Variants in GRIK3 observed in about 807,000 individuals in gnomAD.
GRIK3 encodes the protein glutamate receptor ionotropic, kainate 3.
A neutral mutation model predicts 102.5 loss-of-function variants in GRIK3; 29 were observed. The ratio of observed to expected loss-of-function variants is 0.28; its 90% CI spans 0.21 to 0.39. GRIK3 has a LOEUF of 0.39. Among genes scored for constraint, GRIK3 ranks in the 10% least tolerant of loss-of-function variants. The probability of loss-of-function intolerance (pLI) is 1.00; values close to 1 mark genes in which losing one functional copy is unlikely to be tolerated. For missense variants in GRIK3, 908 were observed against 1,252.4 expected, an observed-to-expected ratio of 0.73 and a Z score of 4.15; for synonymous variants, 511 against 504.9, an observed-to-expected ratio of 1.01 and a Z score of -0.16.
chr1:36,918,786 T>C (rs1431510964), intron 1 of GRIK3, among the ~76,000 whole-genome samples: 3 of 152,186 alleles, frequency 2.0e-5, no homozygotes, highest in Admixed American at 2.0e-4. Flanking sequence ...GCACAGTGCC[T>C]GGAAACTGAG....
At chr1:36,999,027 G>C (rs1215888372) in intron 1 of GRIK3, among the ~76,000 whole-genome samples, 1 of 151,542 alleles carries the variant, frequency 6.6e-6, no homozygotes, top group Non-Finnish European at 1.5e-5. Context: ...TGTGTTGGGG[G>C]TGGGGAGGGA....
At chr1:36,990,328 C>G (rs1012941652) in intron 1 of GRIK3, among the ~76,000 whole-genome samples, 18 of 152,210 alleles carry the variant, frequency 1.2e-4, no homozygotes, top group Non-Finnish European at 1.3e-4. Flanking sequence ...CCTGCATAGA[C>G]ATGTCTACCA....
At chr1:36,866,565 T>G (rs1382195528) in intron 5 of GRIK3, among the ~76,000 whole-genome samples, 1 of 152,236 alleles carries the variant, frequency 6.6e-6, no homozygotes, top group Non-Finnish European at 1.5e-5. Context: ...TTAGTTTATT[T>G]AACACTTACA....
intron 10 of GRIK3, 43 bp downstream of exon 10, chr1:36,841,690 GTCT>G (rs745481730): frequency 4.0e-6 from 6 of 1,516,098 alleles, no homozygotes; most frequent in African/African-American, 1.4e-5. Context: ...TCTAGGCCAA[GTCT>G]CCCCAGGGTC....
At chr1:36,858,206 C>A (rs1379493850) in intron 7 of GRIK3, among the ~76,000 whole-genome samples, 1 of 152,242 alleles carries the variant, frequency 6.6e-6, no homozygotes, top group Non-Finnish European at 1.5e-5. Context: ...GGATTTGACT[C>A]TGGCCAGGTC....
intron 1 of GRIK3, among the ~76,000 whole-genome samples, chr1:36,951,200 G>C (rs531759259): frequency 1.3e-5 from 2 of 152,344 alleles, no homozygotes; most frequent in East Asian, 3.9e-4. Flanking sequence ...TCCTCTGAGG[G>C]TCAGGACATG....
At chr1:36,835,753 T>TC (rs1640369770) in intron 10 of GRIK3, among the ~76,000 whole-genome samples, 1 of 152,188 alleles carries the variant, frequency 6.6e-6, no homozygotes, top group Admixed American at 6.5e-5. Context: ...AATACTCCCT[T>TC]CATCCCTCAA....
intron 1 of GRIK3, among the ~76,000 whole-genome samples, chr1:36,967,722 C>T (rs1642095352): frequency 3.3e-5 from 5 of 152,198 alleles, no homozygotes; most frequent in Admixed American, 3.3e-4. Context: ...GGGTGCCAGA[C>T]ACACTGAGTC....
chr1:36,871,581 G>A (rs1034813000), intron 4 of GRIK3, among the ~76,000 whole-genome samples: 4 of 152,240 alleles, frequency 2.6e-5, no homozygotes, highest in Non-Finnish European at 5.9e-5. Flanking sequence ...TTAGGTGACT[G>A]GCGGAGCTTG....
chr1:36,801,082 A>C lies in GRIK3; in HGVS notation c.*769T>G, dbSNP rs1260187912. On this transcript the variant is annotated 3_prime_UTR_variant, in exon 16 of 16. Coordinates refer to ENST00000373091, the MANE Select transcript of GRIK3 (RefSeq NM_000831.4). ...GGGGTCCTCTCTCCTCTGGCTAGAA[A>C]GTGGAGAAGAATTTTCTGTGGCCAC... 1.3e-5 allele frequency: 2 copies of C among 152,228 alleles called. No homozygotes were observed. Among genetic ancestry groups the C allele is most frequent in the Non-Finnish European group, 2.9e-5 (2 of 68,042 alleles). The allele number at this position is 152,228 out of a possible 1,614,324, so 9.4% of individuals were successfully genotyped here.
At chr1:36,874,365 T>C (rs952713222) in intron 3 of GRIK3, among the ~76,000 whole-genome samples, 4 of 152,196 alleles carry the variant, frequency 2.6e-5, no homozygotes, top group Non-Finnish European at 4.4e-5. Context: ...ACACAAGCTT[T>C]GCCATGACTG....
chr1:36,969,069 C>G (rs1191324943), intron 1 of GRIK3, among the ~76,000 whole-genome samples: 1 of 152,210 alleles, frequency 6.6e-6, no homozygotes, highest in Non-Finnish European at 1.5e-5. Context: ...CCAAATTACA[C>G]TGGCTCCCAA....
intron 1 of GRIK3, among the ~76,000 whole-genome samples, chr1:37,020,273 G>A (rs1642695806): frequency 6.6e-6 from 1 of 152,138 alleles, no homozygotes; most frequent in Non-Finnish European, 1.5e-5. Context: ...TGGAACCGCT[G>A]GGGTTGTTTA....
intron 1 of GRIK3, among the ~76,000 whole-genome samples, chr1:37,018,364 C>T (rs1031650723): frequency 2.7e-4 from 41 of 152,284 alleles, no homozygotes; most frequent in African/African-American, 9.1e-4. Flanking sequence ...TCTGCCTTCT[C>T]GGACCATCAC....
At chr1:36,891,358 T>A (rs1208789590) in intron 1 of GRIK3, among the ~76,000 whole-genome samples, 1 of 152,212 alleles carries the variant, frequency 6.6e-6, no homozygotes, top group Non-Finnish European at 1.5e-5. Context: ...AATATTGCTG[T>A]GAAAATTCTC....
chr1:36,814,518 C>A (rs57196465), intron 13 of GRIK3, among the ~76,000 whole-genome samples: 18,051 of 136,474 alleles, frequency 0.13, 1,330 homozygotes, highest in South Asian at 0.17. Flanking sequence ...GACCCCCCCC[C>A]CCCACACACA....
At chr1:36,828,650 C>T (rs188424842) in intron 10 of GRIK3, among the ~76,000 whole-genome samples, 1 of 152,324 alleles carries the variant, frequency 6.6e-6, no homozygotes, top group African/African-American at 2.4e-5. Flanking sequence ...TTAAGTGACA[C>T]TTTACTCTAT....
chr1:36,970,670 A>C (rs1642130861), intron 1 of GRIK3, among the ~76,000 whole-genome samples: 2 of 151,858 alleles, frequency 1.3e-5, no homozygotes, highest in African/African-American at 2.4e-5. Flanking sequence ...GGCTCCCAAC[A>C]CTTCTCTAGG....
At chr1:36,821,756 G>A (rs1263149095) in intron 11 of GRIK3, among the ~76,000 whole-genome samples, 2 of 152,206 alleles carry the variant, frequency 1.3e-5, no homozygotes, top group South Asian at 2.1e-4. Flanking sequence ...TGGGGAGTGG[G>A]CCATGAAGAG....
Sources: allele counts gnomAD v4.1 joint callset (sites outside exome capture counted in the v4.1 genomes callset), GRCh38; gene constraint gnomAD v4.1.1; transcripts MANE v1.5; gene names NCBI Gene and HGNC (gene_info 2026-07-23, HGNC 2026-07-21).